GRID2: variants seen among roughly 807,000 people sequenced by gnomAD.
GRID2 encodes the protein glutamate ionotropic receptor delta type subunit 2.
A neutral mutation model predicts 114.8 loss-of-function variants in GRID2; 33 were observed. The observed-to-expected ratio is 0.29, with a 90% CI of 0.22 to 0.38. The LOEUF is 0.38. GRID2 is among the 10% of genes least tolerant of loss of function. GRID2 has a pLI of 1.00. For missense variants in GRID2, 1,184 were observed against 1,257.7 expected, an observed-to-expected ratio of 0.94 and a Z score of 0.89; for synonymous variants, 505 against 449.9, an observed-to-expected ratio of 1.12 and a Z score of -1.55.
chr4:93,252,246 G>T (rs891680733), intron 8 of GRID2, among the ~76,000 whole-genome samples: 1 of 151,448 alleles, frequency 6.6e-6, no homozygotes, highest in Non-Finnish European at 1.5e-5. Context: ...TTTGTATATG[G>T]TATAAGGAAG....
At chr4:93,765,962 G>A (rs1227830975) in intron 14 of GRID2, among the ~76,000 whole-genome samples, 1 of 151,996 alleles carries the variant, frequency 6.6e-6, no homozygotes, top group Non-Finnish European at 1.5e-5. Context: ...AATAAAACAG[G>A]AATGGAATAA....
chr4:92,849,158 C>G (rs1743566438), intron 2 of GRID2, among the ~76,000 whole-genome samples: 2 of 151,984 alleles, frequency 1.3e-5, no homozygotes, highest in African/African-American at 4.8e-5. Flanking sequence ...TGGATGATGT[C>G]AATTGATGAT....
At chr4:92,515,776 G>A (rs1034138401) in intron 1 of GRID2, among the ~76,000 whole-genome samples, 3 of 152,008 alleles carry the variant, frequency 2.0e-5, no homozygotes, top group African/African-American at 7.2e-5. Context: ...GATACATTCT[G>A]TGATTAACAG....
chr4:93,464,569 T>A (rs1406081878), intron 11 of GRID2, among the ~76,000 whole-genome samples: 1 of 152,216 alleles, frequency 6.6e-6, no homozygotes. Flanking sequence ...TTTACTTGAT[T>A]GTTTTTCACA....
At chr4:93,215,413 T>C (rs921747800) in intron 5 of GRID2, among the ~76,000 whole-genome samples, 1 of 152,006 alleles carries the variant, frequency 6.6e-6, no homozygotes, top group African/African-American at 2.4e-5. Context: ...GGACTTCAAA[T>C]GGAGTTGACA....
intron 8 of GRID2, among the ~76,000 whole-genome samples, chr4:93,255,577 C>T (rs190010183): frequency 6.6e-6 from 1 of 152,116 alleles, no homozygotes; most frequent in African/African-American, 2.4e-5. Flanking sequence ...AATGCCTTCT[C>T]ACTGGAATAA....
intron 1 of GRID2, among the ~76,000 whole-genome samples, chr4:92,488,905 C>G (rs1321634591): frequency 6.6e-6 from 1 of 152,182 alleles, no homozygotes; most frequent in Non-Finnish European, 1.5e-5. Context: ...ATGACCCTCT[C>G]TGTGCTTGTC....
intron 14 of GRID2, among the ~76,000 whole-genome samples, chr4:93,720,118 A>G (rs1729225991): frequency 6.6e-6 from 1 of 152,152 alleles, no homozygotes; most frequent in South Asian, 2.1e-4. Context: ...ACAAAGTCCA[A>G]TAGTTGGTTT....
chr4:92,553,995 T>C (rs892979208), intron 1 of GRID2, among the ~76,000 whole-genome samples: 1 of 152,114 alleles, frequency 6.6e-6, no homozygotes, highest in African/African-American at 2.4e-5. Context: ...TATCAGGATA[T>C]CTTGAAGGAT....
intron 2 of GRID2, among the ~76,000 whole-genome samples, chr4:92,995,530 AG>A (rs1410870600): frequency 6.6e-6 from 1 of 152,198 alleles, no homozygotes; most frequent in African/African-American, 2.4e-5. Flanking sequence ...AAAGCTAAAG[AG>A]GTGATTTTAA....
At chr4:93,714,927 C>A (rs970157612) in intron 14 of GRID2, among the ~76,000 whole-genome samples, 1 of 152,070 alleles carries the variant, frequency 6.6e-6, no homozygotes. Context: ...AGAAGCCCTT[C>A]AGTTTAATTA....
intron 2 of GRID2, among the ~76,000 whole-genome samples, chr4:92,656,505 C>G (rs545076795): frequency 6.6e-6 from 1 of 151,404 alleles, no homozygotes; most frequent in South Asian, 2.1e-4. Flanking sequence ...TCATTTCACA[C>G]AGTAACAGGC....
intron 1 of GRID2, among the ~76,000 whole-genome samples, chr4:92,319,665 A>G (rs1396866015): frequency 6.6e-6 from 1 of 152,190 alleles, no homozygotes; most frequent in African/African-American, 2.4e-5. Context: ...CAAAGCAGAG[A>G]AGAAATAATA....
At chr4:92,519,054 G>C (rs1245066855) in intron 1 of GRID2, among the ~76,000 whole-genome samples, 1 of 151,816 alleles carries the variant, frequency 6.6e-6, no homozygotes. Context: ...AACTATGATA[G>C]TATGTCATAG....
intron 11 of GRID2, among the ~76,000 whole-genome samples, chr4:93,467,763 C>T (rs1724430541): frequency 6.6e-6 from 1 of 152,172 alleles, no homozygotes; most frequent in Admixed American, 6.5e-5. Flanking sequence ...TTATCTTTCT[C>T]TTGACATATA....
chr4:92,895,701 G>A (rs1471078), intron 2 of GRID2, among the ~76,000 whole-genome samples: 85,174 of 151,790 alleles, frequency 0.56, 25,057 homozygotes, highest in Middle Eastern at 0.74. Flanking sequence ...CTTAGAATGT[G>A]TTAACTAACT....
chr4:93,164,351 T>C (rs1738051616), intron 4 of GRID2, among the ~76,000 whole-genome samples: 1 of 152,076 alleles, frequency 6.6e-6, no homozygotes, highest in South Asian at 2.1e-4. Context: ...TGAGTAAGGA[T>C]AGCAGCACTG....
rs201480396 is a variant in GRID2 at position 92,658,793 on chromosome 4, G to GTATATATATATATATATA, written c.244+68516_244+68533dup. On this transcript the variant is annotated intron_variant, in intron 2 of 15. Coordinates refer to ENST00000282020, the MANE Select transcript of GRID2 (RefSeq NM_001510.4). Reference sequence around the variant, plus strand: ...TGTTTGCATGTATGTGTGTGTGTGTGTATATATATATATATATATATATAT... The same window carrying GTATATATATATATATATA: ...TGTTTGCATGTATGTGTGTGTGTGTGTATATATATATATATATATATATATATATATATATATATATAT... Among the ~76,000 whole-genome samples the GTATATATATATATATATA allele has an allele frequency of 3.2e-4, 42 of 132,368 alleles. 3 individuals are homozygous for GTATATATATATATATATA. Among genetic ancestry groups the GTATATATATATATATATA allele is most frequent in the Non-Finnish European group, 4.2e-4 (26 of 61,628 alleles). 86.8% of individuals were successfully genotyped at this position (132,368 alleles called of 152,430 possible).
At chr4:93,778,393 C>CTTTTTT (rs36000401), downstream of GRID2, among the ~76,000 whole-genome samples, 10 of 98,636 alleles carry the variant, frequency 1.0e-4, no homozygotes, top group East Asian at 3.5e-4. Flanking sequence ...TCTCATTTGG[C>CTTTTTT]TTTTTTTTTT....
Sources: gnomAD v4.1 joint callset for allele counts (sites outside exome capture counted in the v4.1 genomes callset) on GRCh38, gnomAD v4.1.1 for gene constraint, MANE v1.5 for transcripts, NCBI Gene and HGNC (gene_info 2026-07-23, HGNC 2026-07-21) for gene names.